The following CCDC50 variants were observed in gnomAD, a reference collection of about 807,000 sequenced individuals.
CCDC50 encodes the protein coiled-coil domain containing 50, also known as coiled-coil domain-containing protein 50.
A neutral mutation model predicts 70.2 loss-of-function variants in CCDC50; 54 were observed. The observed-to-expected ratio is 0.77, with a 90% CI of 0.62 to 0.96. CCDC50 has a LOEUF of 0.96. CCDC50 is among the 50% of genes least tolerant of loss of function. The pLI, the probability that CCDC50 is intolerant of heterozygous loss-of-function variation, is 0.00. For missense variants in CCDC50, 558 were observed against 578.7 expected (o/e 0.96, Z 0.37); for synonymous variants, 216 against 198.8 (o/e 1.09, Z -0.73).
intron 1 of CCDC50, among the ~76,000 whole-genome samples, chr3:191,337,967 C>G (rs1412699368): frequency 6.6e-6 from 1 of 152,018 alleles, no homozygotes; most frequent in Admixed American, 6.6e-5. Flanking sequence ...TTCATCTTGC[C>G]TGATGAGCAT....
Position 191,389,597 on chromosome 3 carries a change from A to T in CCDC50, c.1424A>T (p.His475Leu), listed in dbSNP as rs774373767. The T allele has an allele frequency of 6.2e-7, 1 of 1,610,894 alleles. No individual in the cohort carries two copies. The highest frequency in any genetic ancestry group is 1.1e-5 in the South Asian group (1 of 91,026). ...TRHFSKSESSHKGFHYKH is the reference protein window; with the variant it reads ...TRHFSKSESSLKGFHYKH The stretch of plus-strand genomic sequence containing the variant: ...CATTTCTCAAAATCAGAGTCCTCTC[A>T]TAAAGGTAAGAAGAGTATGTATGGT... The change falls in exon 11 of 12, where the codon CAT (histidine) becomes CTT (leucine). Residue 475 changes from histidine to leucine, a missense_variant. By Grantham distance (99) the His-to-Leu change is moderately conservative. Transcript: ENST00000392455.
chr3:191,365,463 T>A (rs1712652235), intron 4 of CCDC50, among the ~76,000 whole-genome samples: 1 of 152,162 alleles, frequency 6.6e-6, no homozygotes, highest in African/African-American at 2.4e-5. Flanking sequence ...TAAATATGAC[T>A]AGAAAGGGAG....
chr3:191,381,651 A>T (rs755075087), intron 9 of CCDC50, among the ~76,000 whole-genome samples: 5 of 152,164 alleles, frequency 3.3e-5, no homozygotes, highest in Admixed American at 1.3e-4. Flanking sequence ...GAGGAAGACA[A>T]AGTGTAGACA....
At chr3:191,361,231 A>G (rs1712476850) in intron 4 of CCDC50, 72 bp downstream of exon 4, 1 of 1,064,814 alleles carries the variant, frequency 9.4e-7, no homozygotes, top group Non-Finnish European at 1.5e-6. Flanking sequence ...AACTTTCTGT[A>G]GGTCACGGGC....
intron 6 of CCDC50, among the ~76,000 whole-genome samples, chr3:191,378,029 A>G (rs956820482): frequency 6.6e-6 from 1 of 152,118 alleles, no homozygotes; most frequent in Admixed American, 6.6e-5. Context: ...TTCTTTTTCT[A>G]TATCCTTACA....
At chr3:191,372,032 CTG>C (rs1712932199) in intron 5 of CCDC50, among the ~76,000 whole-genome samples, 1 of 152,086 alleles carries the variant, frequency 6.6e-6, no homozygotes, top group South Asian at 2.1e-4. Context: ...ATGCATTAAA[CTG>C]TTAATTTTAG....
chr3:191,394,832 CATA>C lies in CCDC50; in HGVS notation c.*3074_*3076del, dbSNP rs1338370967. Reference sequence around the variant, plus strand: ...TGTTAGACGTAAGTATTTTATTAGACATAAGTATTTTATTTTGGGACTAGACAG... The same window carrying C: ...TGTTAGACGTAAGTATTTTATTAGACAGTATTTTATTTTGGGACTAGACAG... On this transcript the variant is annotated 3_prime_UTR_variant, in exon 12 of 12. Coordinates refer to ENST00000392455, the MANE Select transcript of CCDC50 (RefSeq NM_178335.3). The C allele has an allele frequency of 6.6e-6, 1 of 152,098 alleles. No homozygotes were observed. Among genetic ancestry groups the C allele is most frequent in the Non-Finnish European group, 1.5e-5 (1 of 67,990 alleles). 9.4% of individuals were successfully genotyped at this position (152,098 alleles called of 1,614,324 possible).
intron 11 of CCDC50, 90 bp from the exon 12 acceptor site, chr3:191,391,651 A>G: frequency 1.8e-6 from 2 of 1,106,784 alleles, no homozygotes; most frequent in Non-Finnish European, 2.7e-6. Flanking sequence ...GTATAGAAAT[A>G]AAGTTATTTT....
chr3:191,356,732 C>T (rs529668335), intron 1 of CCDC50, among the ~76,000 whole-genome samples: 2 of 152,196 alleles, frequency 1.3e-5, no homozygotes, highest in East Asian at 1.9e-4. Flanking sequence ...ATATGCAAAG[C>T]ATGACTGATA....
In CCDC50 at chr3:191,391,845, T is replaced by C; in HGVS notation, c.*85T>C. 8.0e-7 allele frequency: 1 copy of C among 1,245,860 alleles called. No homozygotes were observed. Among genetic ancestry groups the C allele is most frequent in the Non-Finnish European group, 1.2e-6 (1 of 859,316 alleles). 77.2% of individuals were successfully genotyped at this position (1,245,860 alleles called of 1,614,324 possible). A position where few individuals can be genotyped will look rare whatever the true frequency, so the allele number is the denominator to read the frequency against. ...GAATGAATTCTACACTTACTTTTTT[T>C]CTCCTGTGTTTGCATTCCTGGGATT... On this transcript the variant is annotated 3_prime_UTR_variant, in exon 12 of 12. Coordinates refer to ENST00000392455, the MANE Select transcript of CCDC50 (RefSeq NM_178335.3).
intron 4 of CCDC50, among the ~76,000 whole-genome samples, chr3:191,365,377 T>C (rs1413523286): frequency 6.6e-6 from 1 of 152,034 alleles, no homozygotes; most frequent in Non-Finnish European, 1.5e-5. Flanking sequence ...TTACACATTC[T>C]TTGGTAATAT....
rs530173086 is a variant in CCDC50 at position 191,329,951 on chromosome 3, G to A, written c.49+228G>A. Among the ~76,000 whole-genome samples the A allele has an allele frequency of 3.6e-5, 5 of 137,316 alleles. No homozygotes were observed. The East Asian group carries it at 8.8e-4, about 24-fold the overall frequency. 90.1% of individuals were successfully genotyped at this position (137,316 alleles called of 152,430 possible). A position where few individuals can be genotyped will look rare whatever the true frequency, so the allele number is the denominator to read the frequency against. ...TTCTCAAGGGGGTGGTTGGGGGGGG[G>A]GGGGGCTAGCAGCAGCCCCAGCAAG... On this transcript the variant is annotated intron_variant, in intron 1 of 11. Transcript: ENST00000392455.
At chr3:191,340,969 A>G (rs1576949369) in intron 1 of CCDC50, among the ~76,000 whole-genome samples, 1 of 151,292 alleles carries the variant, frequency 6.6e-6, no homozygotes, top group Admixed American at 6.6e-5. Context: ...CTGAGTAGCT[A>G]GGACTACAGG....
At chr3:191,369,215 A>G (rs1213747901) in intron 4 of CCDC50, among the ~76,000 whole-genome samples, 1 of 152,202 alleles carries the variant, frequency 6.6e-6, no homozygotes, top group African/African-American at 2.4e-5. Flanking sequence ...TTTAAGCAAA[A>G]ATAGTATTCC....
Position 191,361,240 on chromosome 3 carries a change from G to C in CCDC50, c.330+81G>C, listed in dbSNP as rs768714726. The stretch of plus-strand genomic sequence containing the variant: ...AGCAAAAACTTTCTGTAGGTCACGG[G>C]CTCAATGAAGGGTTTCTGAATGGGA... On this transcript the variant is annotated intron_variant, in intron 4 of 11. Coordinates refer to ENST00000392455, the MANE Select transcript of CCDC50 (RefSeq NM_178335.3). 183 of 952,914 alleles carry C rather than the reference G, an allele frequency of 1.9e-4. 2 individuals are homozygous for C. The highest frequency in any genetic ancestry group is 2.8e-4 in the Non-Finnish European group (163 of 585,212). The allele number at this position is 952,914 out of a possible 1,614,324, so 59.0% of individuals were successfully genotyped here.
At chr3:191,335,777 G>A (rs376820825) in intron 1 of CCDC50, among the ~76,000 whole-genome samples, 252 of 152,086 alleles carry the variant, frequency 1.7e-3, no homozygotes, top group Middle Eastern at 0.014. Flanking sequence ...TTTCTTTGTC[G>A]TTTTAGTCAA....
At chr3:191,384,386 T>G (rs76745725) in intron 10 of CCDC50, among the ~76,000 whole-genome samples, 29,203 of 152,166 alleles carry the variant, frequency 0.19, 3,240 homozygotes, top group Non-Finnish European at 0.24. Flanking sequence ...GCACAACTAA[T>G]ATCAGAATGT....
chr3:191,390,173 G>A (rs1298892305), intron 11 of CCDC50, among the ~76,000 whole-genome samples: 1 of 151,966 alleles, frequency 6.6e-6, no homozygotes, highest in Non-Finnish European at 1.5e-5. Context: ...CTTAAAAGGT[G>A]GTGGTGACCT....
At chr3:191,352,809 G>A (rs1172541127) in intron 1 of CCDC50, among the ~76,000 whole-genome samples, 1 of 141,734 alleles carries the variant, frequency 7.1e-6, no homozygotes, top group Admixed American at 7.2e-5. Context: ...TGGGGATAGG[G>A]TTCTAGTTTT....
Sources: allele counts gnomAD v4.1 joint callset (sites outside exome capture counted in the v4.1 genomes callset), GRCh38; gene constraint gnomAD v4.1.1; transcripts MANE v1.5; gene names NCBI Gene and HGNC (gene_info 2026-07-23, HGNC 2026-07-21).